The following SEMA5A variants were observed in gnomAD, a reference collection of about 807,000 sequenced individuals.
SEMA5A encodes the protein semaphorin 5A, also known as semaphorin-5A.
Under a neutral mutation model 135.5 loss-of-function variants are expected in SEMA5A, and 55 were observed. The ratio of observed to expected loss-of-function variants is 0.41; its 90% CI spans 0.33 to 0.51. The LOEUF (loss-of-function observed/expected upper bound fraction) is 0.51. SEMA5A is among the 20% of genes least tolerant of loss of function. The pLI, the probability that SEMA5A is intolerant of heterozygous loss-of-function variation, is 0.37. For synonymous variants in SEMA5A, 580 were observed against 546.5 expected (o/e 1.06, Z -0.85); for missense variants, 1,290 against 1,419.9 (o/e 0.91, Z 1.47).
At position 9,184,912 on chromosome 5, in the gene SEMA5A, AG is replaced by A. The variant is rs1744724592; in HGVS notation, c.1273+5354del. ...TCAGCCCAGGCTCCCTCTTTGTTGA[AG>A]GTCTTGAGCCTTCATATTTTTTTTT... On this transcript the variant is annotated intron_variant, in intron 11 of 22. Coordinates refer to ENST00000382496, the MANE Select transcript of SEMA5A (RefSeq NM_003966.3). 2.0e-5 allele frequency among the ~76,000 whole-genome samples: 3 copies of A among 152,138 alleles called. No individual in the cohort carries two copies. In the South Asian group the frequency reaches 6.2e-4, roughly 32 times the overall value.
At chr5:9,396,256 A>ACC (rs2126547175) in intron 2 of SEMA5A, among the ~76,000 whole-genome samples, 1 of 151,926 alleles carries the variant, frequency 6.6e-6, no homozygotes, top group African/African-American at 2.4e-5. Context: ...GCACACACAC[A>ACC]CACACACACA....
At chr5:9,421,848 G>A (rs1194807288) in intron 2 of SEMA5A, among the ~76,000 whole-genome samples, 1 of 152,064 alleles carries the variant, frequency 6.6e-6, no homozygotes, top group Non-Finnish European at 1.5e-5. Context: ...ATTTTCTTAT[G>A]GGCTGCTTGA....
chr5:9,275,074 T>C (rs1161584781), intron 5 of SEMA5A, among the ~76,000 whole-genome samples: 2 of 151,816 alleles, frequency 1.3e-5, no homozygotes, highest in African/African-American at 4.8e-5. Context: ...ACAAAATAGA[T>C]AGACTTCTAG....
chr5:9,473,383 T>TTAA (rs375160174), intron 1 of SEMA5A, among the ~76,000 whole-genome samples: 1,139 of 79,708 alleles, frequency 0.014, 32 homozygotes, highest in African/African-American at 0.052. Context: ...CAATCAGTGG[T>TTAA]AAAAAAAAAA....
chr5:9,463,205 G>A (rs993991875), intron 1 of SEMA5A, among the ~76,000 whole-genome samples: 31 of 152,106 alleles, frequency 2.0e-4, no homozygotes, highest in African/African-American at 6.0e-4. Flanking sequence ...CAGTGAAAGC[G>A]TTCTCAAGTG....
chr5:9,139,767 C>T (rs1381415141), intron 12 of SEMA5A, among the ~76,000 whole-genome samples: 3 of 152,160 alleles, frequency 2.0e-5, no homozygotes, highest in Non-Finnish European at 2.9e-5. Flanking sequence ...TTTATAGCAT[C>T]TAATGTGTGT....
intron 1 of SEMA5A, among the ~76,000 whole-genome samples, chr5:9,535,172 C>G (rs1040120430): frequency 1.3e-5 from 2 of 150,144 alleles, no homozygotes; most frequent in African/African-American, 2.4e-5. Flanking sequence ...CTGGAAACTC[C>G]GCAGGTGGGC....
intron 18 of SEMA5A, among the ~76,000 whole-genome samples, chr5:9,061,963 G>A (rs576907527): frequency 6.6e-6 from 1 of 152,052 alleles, no homozygotes; most frequent in Non-Finnish European, 1.5e-5. Flanking sequence ...GAGGCCATGT[G>A]GGGGAGGGCT....
intron 1 of SEMA5A, among the ~76,000 whole-genome samples, chr5:9,443,201 G>C (rs1758303305): frequency 6.6e-6 from 1 of 152,190 alleles, no homozygotes; most frequent in Non-Finnish European, 1.5e-5. Flanking sequence ...GGACATTTAG[G>C]ATAATAATGT....
intron 9 of SEMA5A, among the ~76,000 whole-genome samples, chr5:9,200,579 T>A (rs1745650978): frequency 6.6e-6 from 1 of 152,216 alleles, no homozygotes; most frequent in African/African-American, 2.4e-5. Context: ...AATCTCTGGG[T>A]TGAAGACCAG....
intron 11 of SEMA5A, among the ~76,000 whole-genome samples, chr5:9,166,028 T>C (rs1406355974): frequency 6.6e-6 from 1 of 152,174 alleles, no homozygotes; most frequent in African/African-American, 2.4e-5. Context: ...ATTCACTCAG[T>C]TACCAGATTC....
At chr5:9,202,272 C>T (rs974802117) in intron 8 of SEMA5A, 32 bp from the exon 9 acceptor site, 51 of 1,601,696 alleles carry the variant, frequency 3.2e-5, no homozygotes, top group Non-Finnish European at 4.3e-5. Context: ...GAAAAAATCT[C>T]AACATTCATG....
At chr5:9,423,722 G>T (rs17258120) in intron 2 of SEMA5A, among the ~76,000 whole-genome samples, 15,522 of 152,236 alleles carry the variant, frequency 0.1, 875 homozygotes, top group Middle Eastern at 0.13. Context: ...TGCAAGTGAG[G>T]TTAACAAAAA....
intron 1 of SEMA5A, chr5:9,511,866 T>C (rs530646423): frequency 8.5e-5 from 13 of 152,160 alleles, no homozygotes; most frequent in Non-Finnish European, 1.8e-4. Flanking sequence ...TGAATTCCTG[T>C]TAACAACTAG....
At chr5:9,375,656 G>A (rs1308998620) in intron 3 of SEMA5A, among the ~76,000 whole-genome samples, 1 of 149,812 alleles carries the variant, frequency 6.7e-6, no homozygotes, top group Non-Finnish European at 1.5e-5. Context: ...CAGTACTGCT[G>A]ACAGAATTTC....
Position 9,119,515 on chromosome 5 carries a change from T to G in SEMA5A, c.1782-374A>C, listed in dbSNP as rs951892649. Among the ~76,000 whole-genome samples the G allele has an allele frequency of 2.0e-5, 3 of 152,312 alleles. No homozygotes were observed. The East Asian group carries it at 5.8e-4, about 29-fold the overall frequency. Reference sequence around the variant, plus strand: ...TCCCTACACCTCTACAGTTTAGGATTTTTTGGACTTGTATTATATCATTTA... The same window carrying G: ...TCCCTACACCTCTACAGTTTAGGATGTTTTGGACTTGTATTATATCATTTA... On this transcript the variant is annotated intron_variant, in intron 14 of 22. Transcript: ENST00000382496.
At chr5:9,449,703 A>G (rs1489189126) in intron 1 of SEMA5A, among the ~76,000 whole-genome samples, 1 of 152,134 alleles carries the variant, frequency 6.6e-6, no homozygotes, top group Admixed American at 6.5e-5. Context: ...ATCACCCAAA[A>G]ATGCAGGGGA....
intron 13 of SEMA5A, among the ~76,000 whole-genome samples, chr5:9,130,902 G>A (rs1331537700): frequency 1.3e-5 from 2 of 152,082 alleles, no homozygotes; most frequent in Non-Finnish European, 2.9e-5. Context: ...GTGCAGTTTT[G>A]GAACATTTGA....
rs1806132 is a variant in SEMA5A, at chr5:9,190,486, G to A, written c.1069-15C>T. 239,885 of 1,610,516 alleles carry A rather than the reference G, an allele frequency of 0.15. 23,876 individuals carry two copies. The highest frequency in any genetic ancestry group is 0.5 in the East Asian group (22,590 of 44,800). On this transcript the variant is annotated splice_polypyrimidine_tract_variant and intron_variant, in intron 10 of 22. Transcript: ENST00000382496. ...ACGGTGCCACACTGAAAGGGAAGAC[G>A]GGCCAGGTTACCAGAGCCGGCAGCC...
Sources: allele counts gnomAD v4.1 joint callset (sites outside exome capture counted in the v4.1 genomes callset), GRCh38; gene constraint gnomAD v4.1.1; transcripts MANE v1.5; gene names NCBI Gene and HGNC (gene_info 2026-07-23, HGNC 2026-07-21).